NOX4: variants seen among roughly 807,000 people sequenced by gnomAD.
The protein encoded by NOX4 is NADPH oxidase 4.
In NOX4, 69 loss-of-function variants were observed where a neutral mutation model predicts 87.6. That is an observed-to-expected ratio of 0.79 (90% CI 0.65 to 0.96). The LOEUF (loss-of-function observed/expected upper bound fraction) is 0.96, where lower values mean the gene tolerates loss of function less well. Among genes scored for constraint, NOX4 ranks in the 40% least tolerant of loss-of-function variants. NOX4 has a pLI of 0.00. For missense variants in NOX4, 680 were observed against 681.5 expected (o/e 1.00, Z 0.02); for synonymous variants, 275 against 238.2 (o/e 1.15, Z -1.42).
chr11:89,516,761 T>C, the NOX4 span, among the ~76,000 whole-genome samples: 1 of 152,082 alleles, frequency 6.6e-6, no homozygotes. Flanking sequence ...TTTTCCCCTT[T>C]GAACTTCCAG....
At position 89,402,406 on chromosome 11, in the gene NOX4, A is replaced by C. The variant is rs373893590; in HGVS notation, c.766T>G (p.Ser256Ala). The C allele has an allele frequency of 6.2e-7, 1 of 1,613,074 alleles. No individual in the cohort carries two copies. Among genetic ancestry groups the C allele is most frequent in the African/African-American group, 1.3e-5 (1 of 74,842 alleles). The change falls in exon 9 of 18, where the codon TCA (serine) becomes GCA (alanine). Residue 256 changes from serine (S) to alanine (A), a missense_variant. Transcript: ENST00000263317. Reference sequence around the variant, plus strand: ...TGCTGGGTAAACTCTGCCGGTTTTGAAAATCCTTCAGGGAAAGGTTCATGA... The same window carrying C: ...TGCTGGGTAAACTCTGCCGGTTTTGCAAATCCTTCAGGGAAAGGTTCATGA... ...HFHEPFPEGFSKPAEFTQHKF... is the reference protein window; with the variant it reads ...HFHEPFPEGFAKPAEFTQHKF...
intron 2 of NOX4, among the ~76,000 whole-genome samples, chr11:89,461,877 T>C (rs1285825194): frequency 6.6e-6 from 1 of 151,890 alleles, no homozygotes; most frequent in Non-Finnish European, 1.5e-5. Context: ...AGAGAGAACA[T>C]AATACCACTA....
intron 2 of NOX4, among the ~76,000 whole-genome samples, chr11:89,478,874 C>T (rs562556355): frequency 6.6e-6 from 1 of 151,988 alleles, no homozygotes; most frequent in African/African-American, 2.4e-5. Context: ...CTACACAGTC[C>T]AAGCCCATCT....
chr11:89,519,684 C>T, the NOX4 span, among the ~76,000 whole-genome samples: 7 of 152,114 alleles, frequency 4.6e-5, no homozygotes, highest in South Asian at 2.1e-4. Context: ...CCAATAAAGT[C>T]GTTAAAATCC....
chr11:89,474,194 G>A (rs1373397418), intron 2 of NOX4, among the ~76,000 whole-genome samples: 1 of 152,000 alleles, frequency 6.6e-6, no homozygotes, highest in African/African-American at 2.4e-5. Flanking sequence ...TGTATTTGTA[G>A]TCCTCTTTTC....
intron 2 of NOX4, among the ~76,000 whole-genome samples, chr11:89,480,797 A>C (rs78505780): frequency 7.0e-4 from 106 of 152,118 alleles, no homozygotes; most frequent in Non-Finnish European, 1.2e-3. Flanking sequence ...ATTTATTTTA[A>C]TTTTCTTTAA....
At chr11:89,455,217 T>C (rs1027734088) in intron 2 of NOX4, among the ~76,000 whole-genome samples, 1 of 151,580 alleles carries the variant, frequency 6.6e-6, no homozygotes, top group African/African-American at 2.4e-5. Context: ...TTAGTTGGTA[T>C]ATGAATTAAT....
At chr11:89,568,148 C>A in the NOX4 span, among the ~76,000 whole-genome samples, 4 of 152,064 alleles carry the variant, frequency 2.6e-5, no homozygotes, top group Non-Finnish European at 4.4e-5. Flanking sequence ...GAGCCTGGCC[C>A]CCCGTGAAAT....
At position 89,340,053 on chromosome 11, in the gene NOX4, C is replaced by T. The variant is rs557349446; in HGVS notation, c.1446+10G>A. ...AAAAATTGCAAAACTAGAACCAACC[C>T]TAATGTTACCTTGTTATGCAACATA... On this transcript the variant is annotated intron_variant, in intron 15 of 17. Coordinates refer to ENST00000263317, the MANE Select transcript of NOX4 (RefSeq NM_016931.5). 1 of 1,463,578 alleles carries T rather than the reference C, an allele frequency of 6.8e-7. No homozygotes were observed. Among genetic ancestry groups the T allele is most frequent in the Non-Finnish European group, 9.2e-7 (1 of 1,090,594 alleles). The allele number at this position is 1,463,578 out of a possible 1,614,324, so 90.7% of individuals were successfully genotyped here.
intron 8 of NOX4, 87 bp downstream of exon 8, chr11:89,421,815 C>G: frequency 1.4e-6 from 1 of 708,386 alleles, no homozygotes; most frequent in Non-Finnish European, 2.4e-6. Context: ...ACTTTTACCA[C>G]CTCCTATGAA....
rs988237399 is a variant in NOX4, at chr11:89,326,447, G to T, written c.*309C>A. 1 of 188,846 alleles carries T rather than the reference G, an allele frequency of 5.3e-6. No homozygotes were observed. The highest frequency in any genetic ancestry group is 1.1e-5 in the Non-Finnish European group (1 of 91,774). The allele number at this position is 188,846 out of a possible 1,614,324, so 11.7% of individuals were successfully genotyped here. On this transcript the variant is annotated 3_prime_UTR_variant, in exon 18 of 18. Transcript: ENST00000263317. ...ATCAGCCTTAGATTGAGCAAGTTCAGCTCCTCACTAGGGAGTTCTTGAATC... is the reference window on the plus strand; with the variant it reads ...ATCAGCCTTAGATTGAGCAAGTTCATCTCCTCACTAGGGAGTTCTTGAATC...
At chr11:89,442,504 T>C (rs1440939108) in intron 5 of NOX4, among the ~76,000 whole-genome samples, 1 of 152,108 alleles carries the variant, frequency 6.6e-6, no homozygotes, top group Non-Finnish European at 1.5e-5. Flanking sequence ...TAAAAATAAA[T>C]TATGGCATAG....
chr11:89,580,644 C>T, the NOX4 span, among the ~76,000 whole-genome samples: 1 of 151,874 alleles, frequency 6.6e-6, no homozygotes, highest in Admixed American at 6.6e-5. Flanking sequence ...TATGGAGGCT[C>T]ACTCTATTTG....
At chr11:89,554,718 A>C in the NOX4 span, among the ~76,000 whole-genome samples, 2 of 152,120 alleles carry the variant, frequency 1.3e-5, no homozygotes, top group African/African-American at 4.8e-5. Context: ...CTAAGAGTAC[A>C]TGGTAGATGT....
At chr11:89,390,074 G>A (rs1941022516) in intron 11 of NOX4, among the ~76,000 whole-genome samples, 1 of 152,112 alleles carries the variant, frequency 6.6e-6, no homozygotes, top group African/African-American at 2.4e-5. Context: ...TTTACTTCAA[G>A]GGAACTCTTA....
chr11:89,379,138 G>T (rs1034029247), intron 11 of NOX4, among the ~76,000 whole-genome samples: 3 of 152,026 alleles, frequency 2.0e-5, no homozygotes, highest in Non-Finnish European at 2.9e-5. Context: ...TGCCACAATG[G>T]CAAAAATAAC....
chr11:89,487,223 C>T (rs146954893), intron 2 of NOX4, among the ~76,000 whole-genome samples: 121 of 152,312 alleles, frequency 7.9e-4, no homozygotes, highest in African/African-American at 2.9e-3. Context: ...ACAGCTTCCT[C>T]AGCCCATATT....
chr11:89,572,681 C>T, the NOX4 span, among the ~76,000 whole-genome samples: 6 of 152,202 alleles, frequency 3.9e-5, no homozygotes, highest in Non-Finnish European at 2.9e-5. Context: ...TCCCAAGTAG[C>T]TGGGACTACA....
intron 2 of NOX4, among the ~76,000 whole-genome samples, chr11:89,455,135 C>T (rs1945131909): frequency 6.6e-6 from 1 of 152,138 alleles, no homozygotes; most frequent in Non-Finnish European, 1.5e-5. Context: ...CATCTTCCAT[C>T]AAGCATGACT....
Sources: gnomAD v4.1 joint callset for allele counts (sites outside exome capture counted in the v4.1 genomes callset) on GRCh38, gnomAD v4.1.1 for gene constraint, MANE v1.5 for transcripts, NCBI Gene and HGNC (gene_info 2026-07-23, HGNC 2026-07-21) for gene names.